Variants in SLC9A7 observed in about 807,000 individuals in gnomAD.
The protein encoded by SLC9A7 is solute carrier family 9 member A7, also known as sodium/hydrogen exchanger 7.
SLC9A7 carries 19 observed loss-of-function variants against 52.6 expected under a neutral mutation model. That is an observed-to-expected ratio of 0.36 (90% CI 0.25 to 0.53). SLC9A7 has a LOEUF of 0.53. SLC9A7 is among the 20% of genes least tolerant of loss of function. The probability of loss-of-function intolerance (pLI) is 0.91; values close to 1 mark genes in which losing one functional copy is unlikely to be tolerated. For synonymous variants in SLC9A7, 226 were observed against 252.1 expected (o/e 0.90, Z 0.98); for missense variants, 455 against 597.9 (o/e 0.76, Z 2.49).
rs748259550 is a variant in SLC9A7 at position 46,731,432 on chromosome X, T to TATATAAAAAAAAAAAAAAAA, written c.325+27272_325+27273insTTTTTTTTTTTTTTTTATAT. On this transcript the variant is annotated intron_variant, in intron 1 of 16. Transcript: ENST00000616978. ...CATAGCCATACTCCATATAAAAAAT[T>TATATAAAAAAAAAAAAAAAA]AAAAAAAATTAAAATTAAAATTAGC... Among the ~76,000 whole-genome samples the TATATAAAAAAAAAAAAAAAA allele has an allele frequency of 3.6e-4, 28 of 78,251 alleles. 1 individual carries two copies. Among genetic ancestry groups the TATATAAAAAAAAAAAAAAAA allele is most frequent in the Non-Finnish European group, 5.3e-4 (20 of 37,736 alleles). 68.0% of individuals were successfully genotyped at this position (78,251 alleles called of 115,157 possible). A position where few individuals can be genotyped will look rare whatever the true frequency, so the allele number is the denominator to read the frequency against.
chrX:46,620,185 CTGAGGT>C (rs1943020826), intron 15 of SLC9A7, among the ~76,000 whole-genome samples: 1 of 111,275 alleles, frequency 9.0e-6, no homozygotes, highest in South Asian at 3.7e-4. Context: ...CCTTGGGAGG[CTGAGGT>C]GGGCAGATTG....
chrX:46,682,407 C>T lies in SLC9A7; in HGVS notation c.454G>A (p.Glu152Lys), dbSNP rs777812234. 20 of 1,209,293 alleles carry T rather than the reference C, an allele frequency of 1.7e-5. No homozygotes were observed. Among genetic ancestry groups the T allele is most frequent in the African/African-American group, 3.5e-5 (2 of 56,984 alleles). The change falls in exon 2 of 17, where the codon GAA becomes AAA. Residue 152 changes from glutamate (E) to lysine (K), a missense_variant. Around this residue, in one of 3 missense-constraint regions of SLC9A7, gnomAD observed 304 missense variants for 417.8 expected, o/e 0.73. Coordinates refer to ENST00000616978, the MANE Select transcript of SLC9A7 (RefSeq NM_001257291.2). ...LLVNVSGKFF[E>K]YTLKGEISPG... ...CTGATTTCTCCTTTCAGAGTGTATT[C>T]GAAGAACTTTCCGCTGACATTCACT...
intron 1 of SLC9A7, among the ~76,000 whole-genome samples, chrX:46,686,836 T>C (rs927806834): frequency 8.9e-6 from 1 of 112,118 alleles, no homozygotes; most frequent in African/African-American, 3.2e-5. Context: ...TTTTGAACTT[T>C]TACAGAAAGC....
chrX:46,610,091 T>C (rs961652104), intron 16 of SLC9A7, among the ~76,000 whole-genome samples: 2 of 112,468 alleles, frequency 1.8e-5, no homozygotes, highest in African/African-American at 6.5e-5. Flanking sequence ...ATGCAGATGA[T>C]AAAACTAACC....
intron 7 of SLC9A7, among the ~76,000 whole-genome samples, chrX:46,656,616 G>T (rs1352697218): frequency 8.9e-6 from 1 of 112,183 alleles, no homozygotes; most frequent in African/African-American, 3.2e-5. Context: ...GGAAGAAAGG[G>T]TATCAGTGAT....
At chrX:46,711,181 T>A (rs1944680975) in intron 1 of SLC9A7, among the ~76,000 whole-genome samples, 1 of 113,042 alleles carries the variant, frequency 8.8e-6, no homozygotes, top group African/African-American at 3.2e-5. Flanking sequence ...AGCATCTGTT[T>A]TCCCAGGTCT....
chrX:46,688,299 G>A (rs2146885193), intron 1 of SLC9A7, among the ~76,000 whole-genome samples: 1 of 111,622 alleles, frequency 9.0e-6, no homozygotes, highest in East Asian at 2.8e-4. Context: ...AGCAACACAT[G>A]AGAGTTACAG....
chrX:46,738,036 AAAGAAAGAAAGAAAG>A (rs1945152645), intron 1 of SLC9A7, among the ~76,000 whole-genome samples: 2 of 4,721 alleles, frequency 4.2e-4, no homozygotes, highest in Non-Finnish European at 8.9e-4. Context: ...CAAAAAAAAG[AAAGAAAGAAAGAAAG>A]AAAGAAAGAA....
chrX:46,629,414 T>C (rs1943187447), intron 14 of SLC9A7, among the ~76,000 whole-genome samples: 1 of 112,183 alleles, frequency 8.9e-6, no homozygotes, highest in African/African-American at 3.2e-5. Context: ...GCTTTCTCAC[T>C]CAAACATTTC....
At chrX:46,701,428 A>G (rs1239093448) in intron 1 of SLC9A7, among the ~76,000 whole-genome samples, 2 of 110,977 alleles carry the variant, frequency 1.8e-5, no homozygotes, top group Non-Finnish European at 3.8e-5. Context: ...TTTACTAAAA[A>G]TACAAAAAAT....
Position 46,717,104 on chromosome X carries a change from T to C in SLC9A7, c.326-34569A>G, listed in dbSNP as rs747954224. On this transcript the variant is annotated intron_variant, in intron 1 of 16. Transcript: ENST00000616978. ...TAATCAGCATTGCAGACAAGAACTA[T>C]GTCATAAAAACCAAAGTTGAAATTG... Among the ~76,000 whole-genome samples, 27 of 112,464 alleles carry C rather than the reference T, an allele frequency of 2.4e-4. 1 individual carries two copies. Among genetic ancestry groups the C allele is most frequent in the South Asian group, 3.7e-4 (1 of 2,730 alleles).
intron 1 of SLC9A7, among the ~76,000 whole-genome samples, chrX:46,694,927 C>A (rs1319608508): frequency 8.9e-6 from 1 of 111,916 alleles, no homozygotes; most frequent in African/African-American, 3.2e-5. Context: ...CATGGATGAA[C>A]CTAAAAGATA....
intron 5 of SLC9A7, among the ~76,000 whole-genome samples, chrX:46,669,248 A>C (rs1943979645): frequency 9.1e-6 from 1 of 110,474 alleles, no homozygotes; most frequent in African/African-American, 3.3e-5. Context: ...ATTAATAATA[A>C]AAAAGGAAAT....
Position 46,657,230 on chromosome X carries a change from C to T in SLC9A7, c.1042-3516G>A, listed in dbSNP as rs188767728. ...AAGAGCTCCTGAAGGAAACACTAAA[C>T]ATAGAAAGGAACAACCGGTACCAGC... On this transcript the variant is annotated intron_variant, in intron 7 of 16. Transcript: ENST00000616978. 1.8e-3 allele frequency among the ~76,000 whole-genome samples: 198 copies of T among 110,908 alleles called. 3 individuals are homozygous for T. The South Asian group carries it at 0.037, about 21-fold the overall frequency.
intron 1 of SLC9A7, among the ~76,000 whole-genome samples, chrX:46,741,220 A>G (rs1408000673): frequency 8.9e-6 from 1 of 111,912 alleles, no homozygotes; most frequent in Non-Finnish European, 1.9e-5. Context: ...AAATTGACTA[A>G]CAGATTCAAT....
rs747750102 is a variant in SLC9A7 at position 46,600,671 on chromosome X, A to G, written c.*6281T>C. ...TAATTTTTTAAAAATGTCTATGAAA[A>G]TTGACACTGGAAAAAACTGTTTATC... On this transcript the variant is annotated 3_prime_UTR_variant, in exon 17 of 17. Coordinates refer to ENST00000616978, the MANE Select transcript of SLC9A7 (RefSeq NM_001257291.2). The G allele has an allele frequency of 4.4e-5, 5 of 112,393 alleles. No homozygotes were observed. Among genetic ancestry groups the G allele is most frequent in the African/African-American group, 1.3e-4 (4 of 31,034 alleles). 9.3% of individuals were successfully genotyped at this position (112,393 alleles called of 1,213,427 possible).
At chrX:46,672,714 G>C in intron 3 of SLC9A7, 87 bp from the exon 4 acceptor site, 1 of 663,382 alleles carries the variant, frequency 1.5e-6, no homozygotes, top group Non-Finnish European at 2.4e-6. Context: ...TCTCTAAAAA[G>C]TGGAACTCTA....
At chrX:46,707,541 CT>C (rs1236806631) in intron 1 of SLC9A7, among the ~76,000 whole-genome samples, 1 of 112,056 alleles carries the variant, frequency 8.9e-6, no homozygotes, top group East Asian at 2.8e-4. Context: ...TGGCAGCTGC[CT>C]GACTACATGG....
chrX:46,742,177 A>G (rs575926975), intron 1 of SLC9A7, among the ~76,000 whole-genome samples: 3 of 111,855 alleles, frequency 2.7e-5, no homozygotes, highest in African/African-American at 9.7e-5. Context: ...GCTAGATGGA[A>G]TGTACAGTTG....
Sources: allele counts gnomAD v4.1 joint callset (sites outside exome capture counted in the v4.1 genomes callset), GRCh38; gene constraint gnomAD v4.1.1; regional missense constraint gnomAD v4.1.1; transcripts MANE v1.5; gene names NCBI Gene and HGNC (gene_info 2026-07-23, HGNC 2026-07-21).